SIK2: variants seen among roughly 807,000 people sequenced by gnomAD.
SIK2 encodes serine/threonine-protein kinase SIK2.
A neutral mutation model predicts 103.2 loss-of-function variants in SIK2; 29 were observed. That is an observed-to-expected ratio of 0.28 (90% CI 0.21 to 0.38). The LOEUF is 0.38. SIK2 is among the 10% of genes least tolerant of loss of function. The pLI, the probability that SIK2 is intolerant of heterozygous loss-of-function variation, is 1.00. For missense variants in SIK2, 879 were observed against 1,171.0 expected (o/e 0.75, Z 3.64); for synonymous variants, 412 against 446.1 (o/e 0.92, Z 0.96).
At chr11:111,704,118 T>C (rs889986297) in intron 7 of SIK2, among the ~76,000 whole-genome samples, 1 of 152,194 alleles carries the variant, frequency 6.6e-6, no homozygotes, top group Admixed American at 6.5e-5. Flanking sequence ...GTGCTGCCTT[T>C]CCCCCGCCAC....
chr11:111,699,620 G>A (rs1943162913), intron 4 of SIK2, among the ~76,000 whole-genome samples: 2 of 152,102 alleles, frequency 1.3e-5, no homozygotes, highest in Admixed American at 6.6e-5. Context: ...TGTAATAATG[G>A]GGATTGTTAC....
chr11:111,644,254 A>T (rs1293023595), intron 3 of SIK2, among the ~76,000 whole-genome samples: 1 of 147,508 alleles, frequency 6.8e-6, no homozygotes, highest in Non-Finnish European at 1.5e-5. Flanking sequence ...ACGCCACTGC[A>T]CTCCAGCCTG....
chr11:111,652,489 T>G (rs1942340140), intron 3 of SIK2, among the ~76,000 whole-genome samples: 1 of 152,172 alleles, frequency 6.6e-6, no homozygotes, highest in Non-Finnish European at 1.5e-5. Context: ...ACCACTCCAA[T>G]TTTGAGCAAG....
At chr11:111,628,345 C>G (rs1206051517) in intron 3 of SIK2, among the ~76,000 whole-genome samples, 1 of 151,974 alleles carries the variant, frequency 6.6e-6, no homozygotes, top group Non-Finnish European at 1.5e-5. Context: ...AAGTTTGTTA[C>G]GGATGATACA....
chr11:111,655,779 G>A (rs1476409607), intron 3 of SIK2, among the ~76,000 whole-genome samples: 2 of 152,140 alleles, frequency 1.3e-5, no homozygotes, highest in Non-Finnish European at 2.9e-5. Context: ...TCATGTACTA[G>A]ACTGAACTCT....
At chr11:111,610,508 A>G (rs1379516982) in intron 1 of SIK2, among the ~76,000 whole-genome samples, 2 of 151,826 alleles carry the variant, frequency 1.3e-5, no homozygotes, top group Non-Finnish European at 2.9e-5. Context: ...AAAAAAGATA[A>G]CAAACAGTTT....
At chr11:111,643,035 C>T (rs1228295670) in intron 3 of SIK2, among the ~76,000 whole-genome samples, 1 of 152,116 alleles carries the variant, frequency 6.6e-6, no homozygotes, top group Non-Finnish European at 1.5e-5. Context: ...ACCTTCTCAT[C>T]TGTCCGCTAG....
chr11:111,646,466 A>T (rs574341927), intron 3 of SIK2, among the ~76,000 whole-genome samples: 1 of 152,312 alleles, frequency 6.6e-6, no homozygotes, highest in African/African-American at 2.4e-5. Context: ...ATAAATAAAT[A>T]AAATAAAGTA....
chr11:111,674,931 G>A (rs1942683085), intron 3 of SIK2, among the ~76,000 whole-genome samples: 1 of 152,148 alleles, frequency 6.6e-6, no homozygotes, highest in African/African-American at 2.4e-5. Context: ...ATTTTTAGCT[G>A]AGATGGGTTT....
At chr11:111,689,939 G>A (rs992691949) in intron 4 of SIK2, among the ~76,000 whole-genome samples, 2 of 151,128 alleles carry the variant, frequency 1.3e-5, no homozygotes, top group Admixed American at 6.6e-5. Flanking sequence ...AAGACAAAAT[G>A]TTTTTAAGTT....
chr11:111,628,592 A>G (rs959229244), intron 3 of SIK2, among the ~76,000 whole-genome samples: 1 of 151,714 alleles, frequency 6.6e-6, no homozygotes, highest in Non-Finnish European at 1.5e-5. Flanking sequence ...TGCCAGGCTA[A>G]TTTTTAAATT....
At chr11:111,684,690 T>G (rs886248334) in intron 3 of SIK2, among the ~76,000 whole-genome samples, 1 of 152,254 alleles carries the variant, frequency 6.6e-6, no homozygotes. Context: ...TTCGCTCTTA[T>G]GCAGAGAAGG....
intron 3 of SIK2, among the ~76,000 whole-genome samples, chr11:111,628,984 A>G (rs1942002304): frequency 6.6e-6 from 1 of 152,128 alleles, no homozygotes; most frequent in Non-Finnish European, 1.5e-5. Context: ...CCAGGAAGTG[A>G]TGATGCCTAT....
At chr11:111,603,076 G>C (rs950530569) in intron 1 of SIK2, among the ~76,000 whole-genome samples, 13 of 151,968 alleles carry the variant, frequency 8.6e-5, no homozygotes, top group Non-Finnish European at 1.8e-4. Flanking sequence ...TGGGGGTGGG[G>C]TGGGAGGGGA....
intron 3 of SIK2, among the ~76,000 whole-genome samples, chr11:111,650,897 T>C (rs1316415628): frequency 3.9e-5 from 6 of 152,162 alleles, no homozygotes; most frequent in Admixed American, 3.9e-4. Flanking sequence ...ATGAGTTTTC[T>C]AGAAAGAGTA....
chr11:111,613,916 A>G (rs1184345766), intron 1 of SIK2, among the ~76,000 whole-genome samples: 1 of 152,184 alleles, frequency 6.6e-6, no homozygotes, highest in Non-Finnish European at 1.5e-5. Context: ...AAATAGAGAA[A>G]GGTGAGAAGT....
chr11:111,658,640 G>A (rs1234152808), intron 3 of SIK2, among the ~76,000 whole-genome samples: 1 of 152,058 alleles, frequency 6.6e-6, no homozygotes, highest in East Asian at 1.9e-4. Flanking sequence ...CTACTCAGAG[G>A]CTGAGGTAGG....
intron 4 of SIK2, among the ~76,000 whole-genome samples, chr11:111,698,704 C>T (rs1943138561): frequency 6.6e-6 from 1 of 152,102 alleles, no homozygotes; most frequent in Non-Finnish European, 1.5e-5. Flanking sequence ...GAGCAAGACC[C>T]TATCTCAAAA....
chr11:111,681,449 A>G (rs1009677931), intron 3 of SIK2, among the ~76,000 whole-genome samples: 1 of 152,222 alleles, frequency 6.6e-6, no homozygotes, highest in Non-Finnish European at 1.5e-5. Flanking sequence ...TAGCCACATG[A>G]AGGTGATAGT....
Sources: allele counts gnomAD v4.1 joint callset (sites outside exome capture counted in the v4.1 genomes callset), GRCh38; gene constraint gnomAD v4.1.1; transcripts MANE v1.5; gene names NCBI Gene and HGNC (gene_info 2026-07-23, HGNC 2026-07-21).